Variants in KIAA2012 observed in about 807,000 individuals in gnomAD.
The protein encoded by KIAA2012 is uncharacterized protein KIAA2012.
Under a neutral mutation model 150.6 loss-of-function variants are expected in KIAA2012, and 125 were observed. That is an observed-to-expected ratio of 0.83 (90% CI 0.72 to 0.96). The LOEUF is 0.96. KIAA2012 is among the 40% of genes least tolerant of loss of function. The pLI, the probability that KIAA2012 is intolerant of heterozygous loss-of-function variation, is 0.00. For missense variants in KIAA2012, 1,219 were observed against 1,354.9 expected (o/e 0.90, Z 1.57); for synonymous variants, 462 against 504.7 (o/e 0.92, Z 1.13).
chr2:202,138,517 T>C lies in KIAA2012; in HGVS notation c.1908+9T>C, dbSNP rs772472574. ...AAACAACAGAGAAGCAGGTATAGTA[T>C]TGACTCTGAATGAGGATGACACTAG... On this transcript the variant is annotated intron_variant, in intron 13 of 23. Transcript: ENST00000498697. 1.3e-6 allele frequency: 2 copies of C among 1,544,820 alleles called. No homozygotes were observed. The highest frequency in any genetic ancestry group is 1.2e-5 in the South Asian group (1 of 83,858).
intron 13 of KIAA2012, among the ~76,000 whole-genome samples, chr2:202,144,584 CT>C (rs1158778491): frequency 6.6e-6 from 1 of 152,176 alleles, no homozygotes; most frequent in Non-Finnish European, 1.5e-5. Flanking sequence ...CAATCGTAAC[CT>C]TTTATTTCAG....
chr2:202,201,325 G>T (rs12693962), intron 22 of KIAA2012: 505,298 of 1,568,986 alleles, frequency 0.32, 82,656 homozygotes, highest in Non-Finnish European at 0.34. Flanking sequence ...GTTACATTGT[G>T]AGAAGTGCTG....
Position 202,174,053 on chromosome 2 carries a change from C to T in KIAA2012, c.2119+8697C>T, listed in dbSNP as rs767741496. Among the ~76,000 whole-genome samples, 3 of 152,130 alleles carry T rather than the reference C, an allele frequency of 2.0e-5. 1 individual carries two copies. The highest frequency in any genetic ancestry group is 4.4e-5 in the Non-Finnish European group (3 of 68,018). ...CGATCTCGGCTCACTGCAACCTCTG[C>T]CTCCCAGGTTCAAGCAATTCTTCTG... On this transcript the variant is annotated intron_variant, in intron 15 of 23. Transcript: ENST00000498697.
chr2:202,196,533 G>A (rs879914277), intron 21 of KIAA2012, among the ~76,000 whole-genome samples: 4 of 151,902 alleles, frequency 2.6e-5, no homozygotes, highest in Admixed American at 6.6e-5. Context: ...ATTTGACACC[G>A]CTCCCCAACC....
At chr2:202,079,697 T>C (rs1689402660) in intron 2 of KIAA2012, among the ~76,000 whole-genome samples, 1 of 152,202 alleles carries the variant, frequency 6.6e-6, no homozygotes, top group Non-Finnish European at 1.5e-5. Context: ...CACACAAATA[T>C]GTCGCTTGGT....
rs58100125 is a variant in KIAA2012, at chr2:202,176,021, G to T, written c.2120-8732G>T. On this transcript the variant is annotated intron_variant, in intron 15 of 23. Transcript: ENST00000498697. Reference sequence around the variant, plus strand: ...TTCACTATATAATTTTGAGACAACTGGTTATGCAATTTTAAAATTCTCACC... The same window carrying T: ...TTCACTATATAATTTTGAGACAACTTGTTATGCAATTTTAAAATTCTCACC... Among the ~76,000 whole-genome samples the T allele has an allele frequency of 2.2e-4, 33 of 151,930 alleles. No individual in the cohort carries two copies. In the East Asian group the frequency reaches 4.7e-3, roughly 21 times the overall value.
Position 202,075,187 on chromosome 2 carries a change from G to A in KIAA2012, c.369+12G>A, listed in dbSNP as rs16838745. ...ATGGAAGGCAGCAGGTAGGCAGAAC[G>A]CTCCCTTGGGTTTGGGGAAGGTGCT... On this transcript the variant is annotated intron_variant, in intron 2 of 23. Coordinates refer to ENST00000498697, the MANE Select transcript of KIAA2012 (RefSeq NM_001277372.4). 1.2e-3 allele frequency: 1,802 copies of A among 1,528,482 alleles called. 17 individuals are homozygous for A. In the African/African-American group the frequency reaches 0.022, roughly 19 times the overall value. 94.7% of individuals were successfully genotyped at this position (1,528,482 alleles called of 1,614,324 possible).
At chr2:202,156,968 A>G (rs1691541313) in intron 14 of KIAA2012, among the ~76,000 whole-genome samples, 1 of 152,140 alleles carries the variant, frequency 6.6e-6, no homozygotes, top group Non-Finnish European at 1.5e-5. Flanking sequence ...AGTATCCACA[A>G]TGCTTTTGTA....
intron 4 of KIAA2012, among the ~76,000 whole-genome samples, chr2:202,096,263 G>A (rs952985154): frequency 6.6e-6 from 1 of 152,184 alleles, no homozygotes; most frequent in Non-Finnish European, 1.5e-5. Flanking sequence ...AAGGTCTTTA[G>A]TGCTGCACTC....
chr2:202,149,989 A>G (rs1344156867), intron 13 of KIAA2012, among the ~76,000 whole-genome samples: 1 of 152,218 alleles, frequency 6.6e-6, no homozygotes, highest in Non-Finnish European at 1.5e-5. Context: ...GTTTTGCTAT[A>G]TTATATATGT....
At position 202,187,992 on chromosome 2, in the gene KIAA2012, C is replaced by T. The variant is rs369906661; in HGVS notation, c.2377-160C>T. Reference sequence around the variant, plus strand: ...AGGCTGAACCTCTGAGTCTCCCCATCGGCTCTGCATTCTCTAAGATTCACT... The same window carrying T: ...AGGCTGAACCTCTGAGTCTCCCCATTGGCTCTGCATTCTCTAAGATTCACT... On this transcript the variant is annotated intron_variant, in intron 17 of 23. Coordinates refer to ENST00000498697, the MANE Select transcript of KIAA2012 (RefSeq NM_001277372.4). Among the ~76,000 whole-genome samples the T allele has an allele frequency of 2.4e-4, 36 of 152,282 alleles. 2 individuals carry two copies. The East Asian group carries it at 3.3e-3, about 14-fold the overall frequency.
intron 23 of KIAA2012, among the ~76,000 whole-genome samples, chr2:202,204,506 T>C (rs1692602192): frequency 6.6e-6 from 1 of 152,244 alleles, no homozygotes; most frequent in South Asian, 2.1e-4. Flanking sequence ...CTAGAGCATC[T>C]GAACTGAATT....
intron 12 of KIAA2012, chr2:202,125,991 G>C: frequency 3.2e-6 from 1 of 309,598 alleles, no homozygotes; most frequent in Non-Finnish European, 5.6e-6. Context: ...TTTCGCTCTT[G>C]TCGCCCAGGC....
chr2:202,184,844 G>T lies in KIAA2012; in HGVS notation c.2210+1G>T. 6 of 1,545,194 alleles carry T rather than the reference G, an allele frequency of 3.9e-6. No individual in the cohort carries two copies. The highest frequency in any genetic ancestry group is 5.2e-6 in the Non-Finnish European group (6 of 1,144,836). On this transcript the variant is annotated splice_donor_variant, in intron 16 of 23. Transcript: ENST00000498697. LOFTEE classifies it high-confidence loss of function. ...CAGAAGCAGATATTGTGCAAAAAGT[G>T]TAAGTGTTCAAAGTTGTAATAACAT... is the stretch of plus-strand genomic sequence containing the variant.
chr2:202,110,904 G>A (rs910048114), intron 10 of KIAA2012, among the ~76,000 whole-genome samples: 1 of 151,912 alleles, frequency 6.6e-6, no homozygotes, highest in Non-Finnish European at 1.5e-5. Context: ...TTCTGTTTCA[G>A]GCTGAGATGG....
At chr2:202,160,487 A>G (rs1459093285) in intron 14 of KIAA2012, among the ~76,000 whole-genome samples, 2 of 151,774 alleles carry the variant, frequency 1.3e-5, no homozygotes, top group Admixed American at 6.6e-5. Flanking sequence ...CTGATTTTTT[A>G]TATTTTTAGT....
chr2:202,203,452 T>C (rs1692568433), intron 23 of KIAA2012, among the ~76,000 whole-genome samples: 1 of 152,204 alleles, frequency 6.6e-6, no homozygotes, highest in Non-Finnish European at 1.5e-5. Flanking sequence ...GAGGCCATTC[T>C]CACATCCTCG....
chr2:202,099,429 T>TA (rs1262244565), intron 5 of KIAA2012, among the ~76,000 whole-genome samples, 184 bp from the exon 6 acceptor site: 2 of 152,174 alleles, frequency 1.3e-5, no homozygotes, highest in Admixed American at 1.3e-4. Flanking sequence ...TCATCAACAA[T>TA]AAAATGTTTT....
At chr2:202,118,765 G>A (rs545655962) in intron 11 of KIAA2012, among the ~76,000 whole-genome samples, 1 of 152,266 alleles carries the variant, frequency 6.6e-6, no homozygotes, top group East Asian at 1.9e-4. Context: ...CCTTCAGAAG[G>A]AAGCAGTGTT....
Sources: gnomAD v4.1 joint callset for allele counts (sites outside exome capture counted in the v4.1 genomes callset) on GRCh38, gnomAD v4.1.1 for gene constraint, MANE v1.5 for transcripts, NCBI Gene and HGNC (gene_info 2026-07-23, HGNC 2026-07-21) for gene names.